The following GLUD1 variants were observed in gnomAD, a reference collection of about 807,000 sequenced individuals.
The protein encoded by GLUD1 is glutamate dehydrogenase 1, mitochondrial.
Under a neutral mutation model 56.0 loss-of-function variants are expected in GLUD1, and 22 were observed. The observed-to-expected ratio is 0.39, with a 90% CI of 0.28 to 0.56. The LOEUF (loss-of-function observed/expected upper bound fraction) is 0.56, where lower values mean the gene tolerates loss of function less well. Among genes scored for constraint, GLUD1 ranks in the 20% least tolerant of loss-of-function variants. The probability of loss-of-function intolerance (pLI) is 0.58; values close to 1 mark genes in which losing one functional copy is unlikely to be tolerated. For synonymous variants in GLUD1, 223 were observed against 269.9 expected (o/e 0.83, Z 1.70); for missense variants, 451 against 732.0 (o/e 0.62, Z 4.43).
At chr10:87,082,721 T>C (rs766916754) in intron 1 of GLUD1, among the ~76,000 whole-genome samples, 1 of 152,232 alleles carries the variant, frequency 6.6e-6, no homozygotes, top group Non-Finnish European at 1.5e-5. Flanking sequence ...AGTACTGGGC[T>C]ACCTAAACTG....
chr10:87,076,431 G>A, intron 2 of GLUD1, 145 bp downstream of exon 2: 1 of 665,722 alleles, frequency 1.5e-6, no homozygotes, highest in East Asian at 2.8e-5. Context: ...TAGACTAATT[G>A]AAAAATGATG....
intron 8 of GLUD1, 88 bp downstream of exon 8, chr10:87,060,600 A>G: frequency 2.6e-6 from 4 of 1,513,810 alleles, no homozygotes; most frequent in Non-Finnish European, 3.7e-6. Context: ...TGCTAAAAAG[A>G]AAGAGAAAAC....
At chr10:87,069,781 A>G (rs1846180739) in intron 4 of GLUD1, among the ~76,000 whole-genome samples, 1 of 151,892 alleles carries the variant, frequency 6.6e-6, no homozygotes, top group Non-Finnish European at 1.5e-5. Context: ...GACCCTCTCC[A>G]CCTCCCACCT....
At chr10:87,056,782 A>C (rs1239793730) in intron 11 of GLUD1, among the ~76,000 whole-genome samples, 1 of 152,166 alleles carries the variant, frequency 6.6e-6, no homozygotes, top group Non-Finnish European at 1.5e-5. Context: ...CAACTGTTTC[A>C]CCACATATAT....
rs1589358731 is a variant in GLUD1, at chr10:87,060,739, A to G, written c.1146T>C (p.Ala382=). 6.2e-7 allele frequency: 1 copy of G among 1,614,180 alleles called. No individual in the cohort carries two copies. Among genetic ancestry groups the G allele is most frequent in the South Asian group, 1.1e-5 (1 of 91,082 alleles). ...LEADCDILIP[A]ASEKQLTKSN... The stretch of plus-strand genomic sequence containing the variant: ...ATTTGGTCAACTGCTTCTCACTGGC[A>G]GCTGGGATCAGTATGTCACAGTCGG... Residue 382 remains alanine, a synonymous_variant, in exon 8 of 13, where the codon GCT becomes GCC. Transcript: ENST00000277865.
rs1845609963 is a variant in GLUD1, at chr10:87,050,688, C to A, written c.*1063G>T. 6.6e-6 allele frequency: 1 copy of A among 152,120 alleles called. No homozygotes were observed. The highest frequency in any genetic ancestry group is 2.4e-5 in the African/African-American group (1 of 41,394). 9.4% of individuals were successfully genotyped at this position (152,120 alleles called of 1,614,324 possible). A position where few individuals can be genotyped will look rare whatever the true frequency, so the allele number is the denominator to read the frequency against. ...ATAACTCCCAAATGAAACACTCAAC[C>A]CAAGGATGTTTTCAGCCCACTGTTA... On this transcript the variant is annotated 3_prime_UTR_variant, in exon 13 of 13. Coordinates refer to ENST00000277865, the MANE Select transcript of GLUD1 (RefSeq NM_005271.5).
At chr10:87,071,591 G>C (rs1393204073) in intron 4 of GLUD1, among the ~76,000 whole-genome samples, 1 of 152,148 alleles carries the variant, frequency 6.6e-6, no homozygotes, top group African/African-American at 2.4e-5. Flanking sequence ...GGAGATGAAA[G>C]GGTAATTTTG....
Position 87,051,781 on chromosome 10 carries a change from C to G in GLUD1, c.1647G>C (p.Val549=), listed in dbSNP as rs756484571. ...TGAAGGTCACACCAGCTTCATTGTACACTTTGAAGACTTTCTCAATGGCAT... is the reference window on the plus strand; with the variant it reads ...TGAAGGTCACACCAGCTTCATTGTAGACTTTGAAGACTTTCTCAATGGCAT... ...YVNAIEKVFK[V]YNEAGVTFT is the part of the protein sequence containing the mutation. Residue 549 remains valine, a synonymous_variant, in exon 13 of 13, where the codon GTG becomes GTC. Coordinates refer to ENST00000277865, the MANE Select transcript of GLUD1 (RefSeq NM_005271.5). The G allele has an allele frequency of 2.5e-5, 41 of 1,612,954 alleles. No homozygotes were observed. The East Asian group carries it at 8.9e-4, about 35-fold the overall frequency.
chr10:87,079,498 AT>A (rs1841145768), intron 1 of GLUD1, among the ~76,000 whole-genome samples: 1 of 152,252 alleles, frequency 6.6e-6, no homozygotes, highest in Non-Finnish European at 1.5e-5. Context: ...TTTTCAAATT[AT>A]TCAAAATGCT....
At chr10:87,055,514 G>A (rs1003325933) in intron 11 of GLUD1, among the ~76,000 whole-genome samples, 5 of 152,150 alleles carry the variant, frequency 3.3e-5, no homozygotes, top group Admixed American at 6.5e-5. Flanking sequence ...CAGTAGCAGC[G>A]CAAGTCCTTC....
chr10:87,085,806 A>G (rs1841368414), intron 1 of GLUD1, among the ~76,000 whole-genome samples: 1 of 152,202 alleles, frequency 6.6e-6, no homozygotes, highest in Non-Finnish European at 1.5e-5. Flanking sequence ...TGTGTTATTT[A>G]ACTTACAGCC....
chr10:87,056,973 C>CT lies in GLUD1; in HGVS notation c.1494+717dup, dbSNP rs1362120012. The stretch of plus-strand genomic sequence containing the variant: ...GTTTCCCTCCCTCCATCCCTCCTTT[C>CT]TTTTTTTTGGCGGGGGGAGGGGGGT... On this transcript the variant is annotated intron_variant, in intron 11 of 12. Transcript: ENST00000277865. 2.7e-5 allele frequency among the ~76,000 whole-genome samples: 4 copies of CT among 150,352 alleles called. No homozygotes were observed. In the South Asian group the frequency reaches 6.4e-4, roughly 24 times the overall value.
intron 1 of GLUD1, among the ~76,000 whole-genome samples, chr10:87,080,397 C>G: frequency 6.6e-6 from 1 of 151,846 alleles, no homozygotes; most frequent in East Asian, 1.9e-4. Flanking sequence ...GCCTGGCCGC[C>G]CATCGTCTGA....
chr10:87,058,084 G>C (rs1845835465), intron 10 of GLUD1, among the ~76,000 whole-genome samples: 1 of 152,118 alleles, frequency 6.6e-6, no homozygotes, highest in Non-Finnish European at 1.5e-5. Flanking sequence ...TAGCCAGGAT[G>C]GTCTCGACCT....
chr10:87,076,761 T>C (rs1323129296), intron 1 of GLUD1, 105 bp from the exon 2 acceptor site: 5 of 775,832 alleles, frequency 6.4e-6, no homozygotes, highest in Non-Finnish European at 1.2e-5. Flanking sequence ...AAATTGAAAA[T>C]ATCCACTTTT....
intron 4 of GLUD1, among the ~76,000 whole-genome samples, chr10:87,070,576 T>A (rs1279045861): frequency 6.6e-6 from 1 of 151,974 alleles, no homozygotes; most frequent in African/African-American, 2.4e-5. Context: ...TCCAGCCTGG[T>A]GACAGAGCGA....
intron 4 of GLUD1, among the ~76,000 whole-genome samples, chr10:87,071,856 TTGTAAGACTTCTA>T (rs1182400282): frequency 2.0e-5 from 3 of 152,354 alleles, no homozygotes; most frequent in Admixed American, 6.5e-5. Flanking sequence ...AAATATTTAG[TTGTAAGACTTCTA>T]TGTAAGACTT....
intron 1 of GLUD1, 82 bp from the exon 2 acceptor site, chr10:87,076,738 A>G: frequency 2.4e-6 from 2 of 839,550 alleles, no homozygotes; most frequent in Middle Eastern, 2.2e-4. Context: ...TAAGCTTCAA[A>G]AAAGAAAGCT....
At chr10:87,091,417 A>T (rs1039680599) in intron 1 of GLUD1, among the ~76,000 whole-genome samples, 9 of 152,238 alleles carry the variant, frequency 5.9e-5, no homozygotes, top group Admixed American at 5.2e-4. Flanking sequence ...TTACTCTGGG[A>T]AAGTTAATAG....
Sources: gnomAD v4.1 joint callset for allele counts (sites outside exome capture counted in the v4.1 genomes callset) on GRCh38, gnomAD v4.1.1 for gene constraint, MANE v1.5 for transcripts, NCBI Gene and HGNC (gene_info 2026-07-23, HGNC 2026-07-21) for gene names.